The following CADPS2 variants were observed in gnomAD, a reference collection of about 807,000 sequenced individuals.
CADPS2 encodes calcium dependent secretion activator 2, also known as calcium-dependent secretion activator 2.
Under a neutral mutation model 172.5 loss-of-function variants are expected in CADPS2, and 93 were observed. The observed-to-expected ratio is 0.54, with a 90% confidence interval of 0.46 to 0.64. The LOEUF (loss-of-function observed/expected upper bound fraction) is 0.64, where lower values mean the gene tolerates loss of function less well. Ranked by LOEUF, CADPS2 falls within the 30% of genes least tolerant of loss-of-function variation. The pLI is 0.00. For synonymous variants in CADPS2, 546 were observed against 555.2 expected (o/e 0.98, Z 0.23); for missense variants, 1,420 against 1,565.9 (o/e 0.91, Z 1.57).
At chr7:122,624,409 C>T (rs2134058309) in intron 4 of CADPS2, among the ~76,000 whole-genome samples, 1 of 152,180 alleles carries the variant, frequency 6.6e-6, no homozygotes, top group African/African-American at 2.4e-5. Context: ...GTCACTTTTT[C>T]TTATGCGCTC....
intron 17 of CADPS2, among the ~76,000 whole-genome samples, chr7:122,431,757 G>A (rs1163117809): frequency 6.6e-6 from 1 of 152,042 alleles, no homozygotes; most frequent in African/African-American, 2.4e-5. Context: ...TTGGGAGGCC[G>A]AGGTGGGTGG....
intron 2 of CADPS2, among the ~76,000 whole-genome samples, chr7:122,706,718 A>G (rs1000664113): frequency 6.8e-6 from 1 of 147,694 alleles, no homozygotes; most frequent in Non-Finnish European, 1.5e-5. Flanking sequence ...TTGCTCATAT[A>G]TATGTATATA....
At position 122,681,343 on chromosome 7, in the gene CADPS2, G is replaced by A. The variant is rs184133916; in HGVS notation, c.454-17774C>T. On this transcript the variant is annotated intron_variant, in intron 2 of 29. Coordinates refer to ENST00000449022, the MANE Select transcript of CADPS2 (RefSeq NM_017954.11). ...ACAAAGAAAAGAAGGAACAATGGTC[G>A]TGCCAAAAAGGGCCGCGGCCACGTG... 2.2e-3 allele frequency: 3,062 copies of A among 1,418,374 alleles called. 8 individuals carry two copies. The highest frequency in any genetic ancestry group is 2.6e-3 in the Non-Finnish European group (2,608 of 1,015,434). The allele number at this position is 1,418,374 out of a possible 1,614,324, so 87.9% of individuals were successfully genotyped here.
intron 8 of CADPS2, among the ~76,000 whole-genome samples, chr7:122,518,270 G>A (rs1228040319): frequency 6.6e-6 from 1 of 151,836 alleles, no homozygotes; most frequent in Non-Finnish European, 1.5e-5. Flanking sequence ...GATTAGGAAG[G>A]ATCCCATAGC....
intron 5 of CADPS2, among the ~76,000 whole-genome samples, chr7:122,621,262 C>T (rs1279386367): frequency 6.6e-6 from 1 of 152,068 alleles, no homozygotes; most frequent in African/African-American, 2.4e-5. Context: ...CTTAAAACTT[C>T]TATTATTTTA....
At chr7:122,415,522 T>C (rs576388553) in intron 18 of CADPS2, among the ~76,000 whole-genome samples, 1 of 151,292 alleles carries the variant, frequency 6.6e-6, no homozygotes, top group South Asian at 2.1e-4. Context: ...ATTTATGGAA[T>C]TATGAGAGAA....
chr7:122,619,510 C>A (rs2075340234), intron 5 of CADPS2, among the ~76,000 whole-genome samples: 1 of 151,744 alleles, frequency 6.6e-6, no homozygotes, highest in Non-Finnish European at 1.5e-5. Flanking sequence ...GTCTGTAGTC[C>A]CATCTACTCA....
chr7:122,575,902 C>T (rs914708623), intron 7 of CADPS2, among the ~76,000 whole-genome samples: 1 of 152,162 alleles, frequency 6.6e-6, no homozygotes, highest in African/African-American at 2.4e-5. Flanking sequence ...TTTCTGTACA[C>T]TCAGTTTCCC....
intron 15 of CADPS2, among the ~76,000 whole-genome samples, chr7:122,450,569 G>A (rs1054634445): frequency 4.2e-5 from 5 of 120,232 alleles, no homozygotes; most frequent in Admixed American, 1.2e-4. Flanking sequence ...TCATGCTGTC[G>A]TCCAGGCTGG....
At chr7:122,533,237 T>C (rs2061938793) in intron 8 of CADPS2, among the ~76,000 whole-genome samples, 1 of 152,140 alleles carries the variant, frequency 6.6e-6, no homozygotes, top group South Asian at 2.1e-4. Flanking sequence ...TATTAATATG[T>C]AGAAATTATT....
chr7:122,388,916 T>C (rs2044027239), intron 22 of CADPS2, among the ~76,000 whole-genome samples, 178 bp from the exon 23 acceptor site: 1 of 152,068 alleles, frequency 6.6e-6, no homozygotes, highest in African/African-American at 2.4e-5. Context: ...CAATTCTTAA[T>C]AAGGCAGGGC....
chr7:122,810,346 T>G (rs936692861), intron 1 of CADPS2, among the ~76,000 whole-genome samples: 1 of 152,142 alleles, frequency 6.6e-6, no homozygotes, highest in African/African-American at 2.4e-5. Flanking sequence ...ACACAGAATT[T>G]GTCATGGTCT....
At chr7:122,501,242 G>A (rs983915989) in intron 9 of CADPS2, among the ~76,000 whole-genome samples, 4 of 151,954 alleles carry the variant, frequency 2.6e-5, no homozygotes, top group East Asian at 1.9e-4. Flanking sequence ...GTGACAGAGT[G>A]AACTCTGTCT....
At chr7:122,778,975 T>C (rs2093965144) in intron 1 of CADPS2, among the ~76,000 whole-genome samples, 2 of 152,114 alleles carry the variant, frequency 1.3e-5, no homozygotes, top group African/African-American at 4.8e-5. Context: ...CAGTGGGTTT[T>C]TCCCATGCTC....
rs59410664 is a variant in CADPS2 at position 122,679,265 on chromosome 7, T to TGGGGGGGGG, written c.454-15705_454-15697dup. Among the ~76,000 whole-genome samples, 2 of 39,230 alleles carry TGGGGGGGGG rather than the reference T, an allele frequency of 5.1e-5. 1 individual carries two copies. The highest frequency in any genetic ancestry group is 1.2e-4 in the Non-Finnish European group (2 of 16,752). 25.7% of individuals were successfully genotyped at this position (39,230 alleles called of 152,430 possible). A position where few individuals can be genotyped will look rare whatever the true frequency, so the allele number is the denominator to read the frequency against. ...CAGCCCTGGGAAAAGAATGCATTCC[T>TGGGGGGGGG]GGGGGGGGGGGGCTCTAAAATGGCC... On this transcript the variant is annotated intron_variant, in intron 2 of 29. Coordinates refer to ENST00000449022, the MANE Select transcript of CADPS2 (RefSeq NM_017954.11).
intron 2 of CADPS2, among the ~76,000 whole-genome samples, chr7:122,677,393 C>T (rs1183142854): frequency 6.6e-6 from 1 of 152,120 alleles, no homozygotes; most frequent in East Asian, 1.9e-4. Context: ...AAGGCAGCTC[C>T]CTGGGCTGCA....
chr7:122,817,002 C>T (rs1168230062), intron 1 of CADPS2, among the ~76,000 whole-genome samples: 1 of 150,814 alleles, frequency 6.6e-6, no homozygotes, highest in Non-Finnish European at 1.5e-5. Context: ...CGCCAGAGAA[C>T]CCCCCTTTGA....
chr7:122,714,797 T>A (rs1412661170), intron 2 of CADPS2, among the ~76,000 whole-genome samples: 1 of 152,138 alleles, frequency 6.6e-6, no homozygotes, highest in Non-Finnish European at 1.5e-5. Flanking sequence ...CTTACAGTAA[T>A]AATAAGTTCC....
rs977760589 is a variant in CADPS2, at chr7:122,843,391, G to A, written c.339+42608C>T. Among the ~76,000 whole-genome samples the A allele has an allele frequency of 2.6e-5, 4 of 152,132 alleles. No individual in the cohort carries two copies. The South Asian group carries it at 8.3e-4, about 32-fold the overall frequency. ...AAACAGCATCAAAATGATAAGTTTAGGACGACTGACTGACCAACTACTTTG... is the reference window on the plus strand; with the variant it reads ...AAACAGCATCAAAATGATAAGTTTAAGACGACTGACTGACCAACTACTTTG... On this transcript the variant is annotated intron_variant, in intron 1 of 29. Coordinates refer to ENST00000449022, the MANE Select transcript of CADPS2 (RefSeq NM_017954.11).
Sources: gnomAD v4.1 joint callset for allele counts (sites outside exome capture counted in the v4.1 genomes callset) on GRCh38, gnomAD v4.1.1 for gene constraint, MANE v1.5 for transcripts, NCBI Gene and HGNC (gene_info 2026-07-23, HGNC 2026-07-21) for gene names.